CNOT6: variants seen among roughly 807,000 people sequenced by gnomAD.
CNOT6 encodes carbon catabolite repression 4 protein.
A neutral mutation model predicts 61.2 loss-of-function variants in CNOT6; 12 were observed. The observed-to-expected ratio is 0.20, with a 90% CI of 0.13 to 0.32. The LOEUF (loss-of-function observed/expected upper bound fraction) is 0.32. Among genes scored for constraint, CNOT6 ranks in the 10% least tolerant of loss-of-function variants. CNOT6 has a pLI of 1.00. For synonymous variants in CNOT6, 225 were observed against 240.6 expected (o/e 0.94, Z 0.60); for missense variants, 405 against 663.9 (o/e 0.61, Z 4.28).
chr5:180,566,613 C>A (rs955654604), intron 7 of CNOT6, among the ~76,000 whole-genome samples: 1 of 143,110 alleles, frequency 7.0e-6, no homozygotes, highest in African/African-American at 2.6e-5. Flanking sequence ...CAGTTGGTTT[C>A]AGATAAATAG....
Position 180,574,104 on chromosome 5 carries a change from C to G in CNOT6, c.1578C>G (p.Leu526=). Residue 526 remains leucine, a synonymous_variant, in exon 12 of 12, where the codon CTC becomes CTG. Transcript: ENST00000261951. ...ENNISGCPHP[L]IPSDHFSLFA... is the part of the protein sequence containing the mutation. ...ACATCAGTGGCTGCCCGCACCCCCT[C>G]ATCCCCTCTGACCACTTCTCACTTT... 1 of 1,614,108 alleles carries G rather than the reference C, an allele frequency of 6.2e-7. No individual in the cohort carries two copies. Among genetic ancestry groups the G allele is most frequent in the Non-Finnish European group, 8.5e-7 (1 of 1,179,970 alleles).
At chr5:180,504,664 C>T (rs1757040379) in intron 1 of CNOT6, among the ~76,000 whole-genome samples, 1 of 152,150 alleles carries the variant, frequency 6.6e-6, no homozygotes, top group African/African-American at 2.4e-5. Flanking sequence ...CCACTGCTTA[C>T]CTTTTTAATC....
At position 180,576,912 on chromosome 5, in the gene CNOT6, T is replaced by A. The variant is rs1312627217; in HGVS notation, c.*2712T>A. ...AGTATTTTTGCTGGATAAATCCATTTTAGAAATGTCTTACAAAAAGTTTAG... is the reference window on the plus strand; with the variant it reads ...AGTATTTTTGCTGGATAAATCCATTATAGAAATGTCTTACAAAAAGTTTAG... On this transcript the variant is annotated 3_prime_UTR_variant, in exon 12 of 12. Coordinates refer to ENST00000261951, the MANE Select transcript of CNOT6 (RefSeq NM_001370472.1). 1 of 152,234 alleles carries A rather than the reference T, an allele frequency of 6.6e-6. No individual in the cohort carries two copies. The highest frequency in any genetic ancestry group is 2.4e-5 in the African/African-American group (1 of 41,460). The allele number at this position is 152,234 out of a possible 1,614,324, so 9.4% of individuals were successfully genotyped here. A position where few individuals can be genotyped will look rare whatever the true frequency, so the allele number is the denominator to read the frequency against.
intron 1 of CNOT6, among the ~76,000 whole-genome samples, chr5:180,526,692 G>A (rs527420523): frequency 2.0e-4 from 30 of 152,256 alleles, no homozygotes; most frequent in African/African-American, 7.2e-4. Flanking sequence ...GCTATGTTTA[G>A]CTGCATGGGT....
chr5:180,553,422 A>C lies in CNOT6; in HGVS notation c.336A>C (p.Leu112=). Residue 112 remains leucine (L), a synonymous_variant, in exon 4 of 12, where the codon CTA becomes CTC. Transcript: ENST00000261951. Reference sequence around the variant, plus strand: ...TAAATAACAACCTGTTACGAGTTCTACCTTTTGAGCTGGGAAAACTGTTTC... The same window carrying C: ...TAAATAACAACCTGTTACGAGTTCTCCCTTTTGAGCTGGGAAAACTGTTTC... ...LHLNNNLLRV[L]PFELGKLFQL... 2 of 1,613,844 alleles carry C rather than the reference A, an allele frequency of 1.2e-6. No homozygotes were observed. The highest frequency in any genetic ancestry group is 1.1e-5 in the South Asian group (1 of 91,056).
At chr5:180,565,060 G>C (rs2127761464) in intron 6 of CNOT6, among the ~76,000 whole-genome samples, 1 of 152,374 alleles carries the variant, frequency 6.6e-6, no homozygotes, top group African/African-American at 2.4e-5. Context: ...ATGGAGGCCA[G>C]GGTTGCTGCT....
At chr5:180,525,148 GTTTGT>G (rs998096743) in intron 1 of CNOT6, among the ~76,000 whole-genome samples, 3 of 152,190 alleles carry the variant, frequency 2.0e-5, no homozygotes, top group African/African-American at 7.2e-5. Context: ...TATAAGACCA[GTTTGT>G]TTTATCTCAC....
At chr5:180,529,425 T>G in intron 2 of CNOT6, 37 bp downstream of exon 2, 1 of 1,252,458 alleles carries the variant, frequency 8.0e-7, no homozygotes, top group Non-Finnish European at 1.2e-6. Context: ...GTATGGAAAT[T>G]AAGATATGGT....
intron 1 of CNOT6, among the ~76,000 whole-genome samples, chr5:180,509,943 A>G (rs1757307044): frequency 6.7e-6 from 1 of 149,418 alleles, no homozygotes; most frequent in Non-Finnish European, 1.5e-5. Context: ...CTGCCATAGT[A>G]TCATCAGCAA....
At chr5:180,513,228 C>T (rs57085108) in intron 1 of CNOT6, among the ~76,000 whole-genome samples, 2,332 of 151,872 alleles carry the variant, frequency 0.015, 54 homozygotes, top group African/African-American at 0.053. Flanking sequence ...GGATCTCTGT[C>T]GCTCAGACTG....
chr5:180,496,172 C>G (rs1041718963), intron 1 of CNOT6, among the ~76,000 whole-genome samples: 1 of 152,166 alleles, frequency 6.6e-6, no homozygotes, highest in Non-Finnish European at 1.5e-5. Flanking sequence ...CAAAGTGCTG[C>G]AATTACAGGC....
chr5:180,522,076 A>G (rs1479447099), intron 1 of CNOT6, among the ~76,000 whole-genome samples: 2 of 152,138 alleles, frequency 1.3e-5, no homozygotes, highest in Non-Finnish European at 2.9e-5. Context: ...TGCTGGGCCA[A>G]ACGGGTAGTT....
rs773441129 is a variant in CNOT6, at chr5:180,550,012, G to C, written c.194G>C (p.Arg65Pro). ...CATTTGAGTGACAATTCCCTGTCCCGAATTCCTTCAGACATTGCCAAGCTT... is the reference window on the plus strand; with the variant it reads ...CATTTGAGTGACAATTCCCTGTCCCCAATTCCTTCAGACATTGCCAAGCTT... ...ALHLSDNSLS[R>P]IPSDIAKLHN... is the part of the protein sequence containing the mutation. The change falls in exon 3 of 12, where the codon CGA (arginine) becomes CCA (proline). Residue 65 changes from arginine to proline, a missense_variant. Physicochemically the swap from Arg to Pro is moderately radical, Grantham distance 103. Around this residue, in one of 5 missense-constraint regions of CNOT6, gnomAD observed 212 missense variants for 307.1 expected, o/e 0.69. Coordinates refer to ENST00000261951, the MANE Select transcript of CNOT6 (RefSeq NM_001370472.1). The C allele has an allele frequency of 6.2e-7, 1 of 1,613,956 alleles. No homozygotes were observed. Among genetic ancestry groups the C allele is most frequent in the South Asian group, 1.1e-5 (1 of 91,072 alleles).
In CNOT6 at chr5:180,524,364, T is replaced by C. The variant is rs565886299; in HGVS notation, c.-2-4911T>C. Among the ~76,000 whole-genome samples, 6 of 152,344 alleles carry C rather than the reference T, an allele frequency of 3.9e-5. No homozygotes were observed. The East Asian group carries it at 9.6e-4, about 24-fold the overall frequency. On this transcript the variant is annotated intron_variant, in intron 1 of 11. Transcript: ENST00000261951. Reference sequence around the variant, plus strand: ...TTCCTTTACCTAATCTGCAGTGCTATACTTTGTTAGACTCCCAGAAAAATG... The same window carrying C: ...TTCCTTTACCTAATCTGCAGTGCTACACTTTGTTAGACTCCCAGAAAAATG...
chr5:180,568,161 A>G (rs531277795), intron 9 of CNOT6, among the ~76,000 whole-genome samples, 158 bp downstream of exon 9: 7 of 152,088 alleles, frequency 4.6e-5, no homozygotes, highest in East Asian at 1.9e-4. Flanking sequence ...CTTTTTCTCT[A>G]CCACAAAGCT....
chr5:180,516,588 G>A (rs1444924130), intron 1 of CNOT6, among the ~76,000 whole-genome samples: 3 of 152,150 alleles, frequency 2.0e-5, no homozygotes, highest in African/African-American at 4.8e-5. Flanking sequence ...ATAGTTAAAC[G>A]TCTGAGAGGC....
In CNOT6 at chr5:180,541,440, A is replaced by ATTTTTTTTTTTTTTTTTT. The variant is rs1176286473; in HGVS notation, c.113-8491_113-8490insTTTTTTTTTTTTTTTTTT. 4.9e-5 allele frequency among the ~76,000 whole-genome samples: 5 copies of ATTTTTTTTTTTTTTTTTT among 103,000 alleles called. 1 individual carries two copies. Among genetic ancestry groups the ATTTTTTTTTTTTTTTTTT allele is most frequent in the Non-Finnish European group, 9.8e-5 (5 of 50,970 alleles). The allele number at this position is 103,000 out of a possible 152,430, so 67.6% of individuals were successfully genotyped here. A position where few individuals can be genotyped will look rare whatever the true frequency, so the allele number is the denominator to read the frequency against. ...CATGAACCACCACAACTGGCCAAGA[A>ATTTTTTTTTTTTTTTTTT]ATTTTTTTTTTTTTTTTTTTTTTTT... On this transcript the variant is annotated intron_variant, in intron 2 of 11. Coordinates refer to ENST00000261951, the MANE Select transcript of CNOT6 (RefSeq NM_001370472.1).
At chr5:180,537,907 C>T (rs527654512) in intron 2 of CNOT6, among the ~76,000 whole-genome samples, 43 of 149,996 alleles carry the variant, frequency 2.9e-4, no homozygotes, top group African/African-American at 9.1e-4. Flanking sequence ...TTTAAGTATT[C>T]GCTTATTTGT....
At chr5:180,538,532 A>G (rs535288072) in intron 2 of CNOT6, among the ~76,000 whole-genome samples, 10 of 151,136 alleles carry the variant, frequency 6.6e-5, no homozygotes, top group Non-Finnish European at 1.5e-4. Context: ...CTAAAATACA[A>G]AAAAAATTTG....
Sources: allele counts gnomAD v4.1 joint callset (sites outside exome capture counted in the v4.1 genomes callset), GRCh38; gene constraint gnomAD v4.1.1; regional missense constraint gnomAD v4.1.1; transcripts MANE v1.5; gene names NCBI Gene and HGNC (gene_info 2026-07-23, HGNC 2026-07-21).